The following PRKCE variants were observed in gnomAD, a reference collection of about 807,000 sequenced individuals.
PRKCE encodes the protein protein kinase C epsilon.
A neutral mutation model predicts 85.4 loss-of-function variants in PRKCE; 16 were observed. That is an observed-to-expected ratio of 0.19 (90% CI 0.13 to 0.28). PRKCE has a LOEUF of 0.28. Among genes scored for constraint, PRKCE ranks in the 10% least tolerant of loss-of-function variants. The pLI is 1.00. For synonymous variants in PRKCE, 388 were observed against 371.5 expected, an observed-to-expected ratio of 1.04 and a Z score of -0.51; for missense variants, 573 against 975.2, an observed-to-expected ratio of 0.59 and a Z score of 5.49.
intron 1 of PRKCE, among the ~76,000 whole-genome samples, chr2:45,739,062 T>C (rs776303196): frequency 6.6e-6 from 1 of 152,254 alleles, no homozygotes; most frequent in Non-Finnish European, 1.5e-5. Context: ...GCTGCTGTCT[T>C]CTGGCTGGCT....
chr2:46,116,305 A>T (rs1326281615), intron 11 of PRKCE, among the ~76,000 whole-genome samples: 1 of 152,240 alleles, frequency 6.6e-6, no homozygotes, highest in Non-Finnish European at 1.5e-5. Flanking sequence ...AGAACTTCCC[A>T]GGAAACAGTG....
At chr2:45,761,177 A>G (rs1002871111) in intron 1 of PRKCE, among the ~76,000 whole-genome samples, 1 of 151,914 alleles carries the variant, frequency 6.6e-6, no homozygotes, top group Non-Finnish European at 1.5e-5. Flanking sequence ...AATACAAAAA[A>G]TTAGCCGAGT....
At chr2:45,839,240 A>G (rs544146283) in intron 1 of PRKCE, among the ~76,000 whole-genome samples, 1 of 152,270 alleles carries the variant, frequency 6.6e-6, no homozygotes, top group South Asian at 2.1e-4. Flanking sequence ...AGGCTCAGGA[A>G]GAGTAAATAA....
chr2:45,685,460 A>G (rs1174934392), intron 1 of PRKCE: 4 of 152,182 alleles, frequency 2.6e-5, no homozygotes, highest in Non-Finnish European at 4.4e-5. Context: ...TGTTATTCAC[A>G]TGATTACTAT....
In PRKCE at chr2:45,723,492, T is replaced by C. The variant is rs185447076; in HGVS notation, c.348+71044T>C. On this transcript the variant is annotated intron_variant, in intron 1 of 14. Transcript: ENST00000306156. ...CTGATCTGGGACGGTGTTGCCCTTT[T>C]TTCTAACCTGTTTGCCCTGCTAATA... Among the ~76,000 whole-genome samples the C allele has an allele frequency of 3.3e-5, 5 of 152,328 alleles. No individual in the cohort carries two copies. The East Asian group carries it at 9.6e-4, about 29-fold the overall frequency.
intron 13 of PRKCE, among the ~76,000 whole-genome samples, chr2:46,154,848 G>A (rs995442425): frequency 6.6e-6 from 1 of 150,548 alleles, no homozygotes; most frequent in Admixed American, 6.6e-5. Context: ...TATATATTAT[G>A]TATTATGTTT....
chr2:46,030,515 C>T (rs1347440190), intron 10 of PRKCE, among the ~76,000 whole-genome samples: 2 of 152,176 alleles, frequency 1.3e-5, no homozygotes, highest in African/African-American at 4.8e-5. Context: ...GTGGCTGTTC[C>T]ACCATGCCCC....
At chr2:45,702,984 C>T (rs1406486374) in intron 1 of PRKCE, among the ~76,000 whole-genome samples, 2 of 151,806 alleles carry the variant, frequency 1.3e-5, no homozygotes, top group East Asian at 3.9e-4. Flanking sequence ...AGATAACAGC[C>T]TTTCCTATTA....
chr2:45,723,224 G>T (rs1320588333), intron 1 of PRKCE, among the ~76,000 whole-genome samples: 1 of 151,722 alleles, frequency 6.6e-6, no homozygotes, highest in Non-Finnish European at 1.5e-5. Context: ...TTTACACGTG[G>T]TTATTCTTCC....
chr2:45,743,452 C>T (rs1682751682), intron 1 of PRKCE, among the ~76,000 whole-genome samples: 1 of 151,940 alleles, frequency 6.6e-6, no homozygotes, highest in African/African-American at 2.4e-5. Context: ...TCTTTCTCTC[C>T]AGCTATTTCC....
Position 45,697,595 on chromosome 2 carries a change from T to C in PRKCE, c.348+45147T>C, listed in dbSNP as rs1003055446. Among the ~76,000 whole-genome samples, 19 of 152,188 alleles carry C rather than the reference T, an allele frequency of 1.2e-4. No homozygotes were observed. The highest frequency in any genetic ancestry group is 2.4e-4 in the Non-Finnish European group (16 of 68,016). The stretch of plus-strand genomic sequence containing the variant: ...TATGTGGGTGGCATCTCTAGCTCTT[T>C]CTTTTGTTCCGGCTCTGATTACCTC... On this transcript the variant is annotated intron_variant, in intron 1 of 14. Coordinates refer to ENST00000306156, the MANE Select transcript of PRKCE (RefSeq NM_005400.3). This position sits in a 1 kb window ranked among gnomAD's most constrained non-coding sequence, Gnocchi z 4.2.
At chr2:45,909,697 G>A (rs371109069) in intron 2 of PRKCE, among the ~76,000 whole-genome samples, 10 of 152,314 alleles carry the variant, frequency 6.6e-5, no homozygotes, top group South Asian at 2.1e-4. Flanking sequence ...TGAGGCTACC[G>A]TTTCACAGTG....
intron 1 of PRKCE, among the ~76,000 whole-genome samples, chr2:45,781,153 G>A (rs1267111639): frequency 1.3e-5 from 2 of 151,322 alleles, no homozygotes; most frequent in Admixed American, 1.3e-4. Context: ...GGCAACATAC[G>A]GAGACCCCCC....
intron 10 of PRKCE, among the ~76,000 whole-genome samples, chr2:46,071,925 C>T (rs1020311241): frequency 2.0e-5 from 3 of 152,170 alleles, no homozygotes; most frequent in Non-Finnish European, 4.4e-5. Context: ...CTGCTTAATG[C>T]GGACTACAGG....
intron 11 of PRKCE, among the ~76,000 whole-genome samples, chr2:46,087,120 GCTT>G (rs997127167): frequency 6.6e-6 from 1 of 150,678 alleles, no homozygotes; most frequent in Non-Finnish European, 1.5e-5. Flanking sequence ...CTTGGTCTTT[GCTT>G]CTTCTTTTTT....
chr2:46,174,097 C>T lies in PRKCE; in HGVS notation c.2068-10638C>T, dbSNP rs1679181602. Among the ~76,000 whole-genome samples the T allele has an allele frequency of 2.6e-5, 4 of 152,200 alleles. No homozygotes were observed. In the South Asian group the frequency reaches 8.3e-4, roughly 31 times the overall value. On this transcript the variant is annotated intron_variant, in intron 14 of 14. Coordinates refer to ENST00000306156, the MANE Select transcript of PRKCE (RefSeq NM_005400.3). ...GATATGTGTGTCTACTGACTGCCTC[C>T]AAAGGAATGAAGCAACTTTCCCTCA...
intron 1 of PRKCE, among the ~76,000 whole-genome samples, chr2:45,735,610 C>T (rs1444343067): frequency 6.6e-6 from 1 of 152,178 alleles, no homozygotes; most frequent in East Asian, 1.9e-4. Context: ...AGTGTTGGCT[C>T]TTAGCAGATT....
At position 46,080,083 on chromosome 2, in the gene PRKCE, G is replaced by A. The variant is rs114106836; in HGVS notation, c.1438-6125G>A. Among the ~76,000 whole-genome samples, 235 of 152,310 alleles carry A rather than the reference G, an allele frequency of 1.5e-3. 2 individuals are homozygous for A. Among genetic ancestry groups the A allele is most frequent in the African/African-American group, 5.5e-3 (228 of 41,560 alleles). On this transcript the variant is annotated intron_variant, in intron 10 of 14. Coordinates refer to ENST00000306156, the MANE Select transcript of PRKCE (RefSeq NM_005400.3). Reference sequence around the variant, plus strand: ...AAAACGTATTTGCTTACTTTACCAGGAAGTTGATGTTTTGTTTTGTTTTGT... The same window carrying A: ...AAAACGTATTTGCTTACTTTACCAGAAAGTTGATGTTTTGTTTTGTTTTGT...
At chr2:46,110,376 A>G (rs1294035457) in intron 11 of PRKCE, among the ~76,000 whole-genome samples, 1 of 152,178 alleles carries the variant, frequency 6.6e-6, no homozygotes, top group Non-Finnish European at 1.5e-5. Flanking sequence ...TTTAATAAGT[A>G]GAGGCCTATT....
Sources: gnomAD v4.1 joint callset for allele counts (sites outside exome capture counted in the v4.1 genomes callset) on GRCh38, gnomAD v4.1.1 for gene constraint, Gnocchi (gnomAD v3.1) non-coding constraint, MANE v1.5 for transcripts, NCBI Gene and HGNC (gene_info 2026-07-23, HGNC 2026-07-21) for gene names.